HMG20A: variants seen among roughly 807,000 people sequenced by gnomAD.
The protein encoded by HMG20A is high mobility group 20A.
A neutral mutation model predicts 43.9 loss-of-function variants in HMG20A; 17 were observed. That is an observed-to-expected ratio of 0.39 (90% CI 0.27 to 0.58). The LOEUF is 0.58. Ranked by LOEUF, HMG20A falls within the 20% of genes least tolerant of loss-of-function variation. HMG20A has a pLI of 0.59. For missense variants in HMG20A, 341 were observed against 438.2 expected (o/e 0.78, Z 1.98); for synonymous variants, 132 against 147.5 (o/e 0.89, Z 0.76).
the HMG20A span, among the ~76,000 whole-genome samples, chr15:77,514,469 A>G: frequency 6.6e-6 from 1 of 152,258 alleles, no homozygotes; most frequent in Non-Finnish European, 1.5e-5. Flanking sequence ...GTTTGCATAT[A>G]TAAAAATCAT....
At chr15:77,461,879 T>G (rs2072708321) in intron 2 of HMG20A, among the ~76,000 whole-genome samples, 1 of 152,172 alleles carries the variant, frequency 6.6e-6, no homozygotes, top group African/African-American at 2.4e-5. Flanking sequence ...CTAAAATGAT[T>G]GAAATATTTG....
chr15:77,500,993 TC>T, the HMG20A span, among the ~76,000 whole-genome samples: 1 of 152,212 alleles, frequency 6.6e-6, no homozygotes, highest in African/African-American at 2.4e-5. Context: ...GTGATGCTTT[TC>T]CTGATCCCCA....
chr15:77,441,486 A>C (rs1237734881), intron 1 of HMG20A, among the ~76,000 whole-genome samples: 1 of 152,162 alleles, frequency 6.6e-6, no homozygotes, highest in Non-Finnish European at 1.5e-5. Flanking sequence ...ACAGCTAAAC[A>C]AATTTGAAGT....
At chr15:77,477,248 C>T (rs78926912) in intron 6 of HMG20A, among the ~76,000 whole-genome samples, 3,062 of 152,284 alleles carry the variant, frequency 0.02, 54 homozygotes, top group Non-Finnish European at 0.026. Context: ...ATACTGTTGA[C>T]TATTCAAAAC....
the HMG20A span, among the ~76,000 whole-genome samples, chr15:77,509,905 C>CAAA: frequency 7.8e-6 from 1 of 128,886 alleles, no homozygotes; most frequent in African/African-American, 3.0e-5. Context: ...GACTCCGCCT[C>CAAA]AAAAAAAAAA....
Position 77,449,622 on chromosome 15 carries a change from A to G in HMG20A, c.-4-8782A>G, listed in dbSNP as rs145607411. ...ATAATTATAATATTCTAAATATATAATATGGCAATTTTAAAATGAATGAAT... is the reference window on the plus strand; with the variant it reads ...ATAATTATAATATTCTAAATATATAGTATGGCAATTTTAAAATGAATGAAT... On this transcript the variant is annotated intron_variant, in intron 1 of 9. Transcript: ENST00000336216. Among the ~76,000 whole-genome samples, 15 of 152,282 alleles carry G rather than the reference A, an allele frequency of 9.9e-5. No homozygotes were observed. The East Asian group carries it at 2.9e-3, about 29-fold the overall frequency.
intron 6 of HMG20A, among the ~76,000 whole-genome samples, chr15:77,473,586 T>C (rs901290433): frequency 1.3e-5 from 2 of 152,252 alleles, no homozygotes; most frequent in Non-Finnish European, 2.9e-5. Flanking sequence ...TGTAGCATTT[T>C]TGTCTTCAGT....
intron 3 of HMG20A, among the ~76,000 whole-genome samples, chr15:77,465,937 A>G (rs1273839369): frequency 2.0e-5 from 3 of 152,172 alleles, no homozygotes; most frequent in Admixed American, 6.5e-5. Context: ...AATATTATGT[A>G]CCTTACATCT....
At chr15:77,508,509 G>A in the HMG20A span, among the ~76,000 whole-genome samples, 1 of 152,198 alleles carries the variant, frequency 6.6e-6, no homozygotes, top group African/African-American at 2.4e-5. Context: ...AAGACTAAGT[G>A]ACTGATCCAA....
rs971404685 is a variant in HMG20A, at chr15:77,448,377, C to T, written c.-4-10027C>T. Among the ~76,000 whole-genome samples the T allele has an allele frequency of 8.5e-5, 13 of 152,080 alleles. No individual in the cohort carries two copies. In the South Asian group the frequency reaches 2.5e-3, roughly 29 times the overall value. On this transcript the variant is annotated intron_variant, in intron 1 of 9. Coordinates refer to ENST00000336216, the MANE Select transcript of HMG20A (RefSeq NM_001304504.2). ...CTCCTCAGTCACACCAGGGGGACTT[C>T]TTTGCACTAGTTGTTTCCTCTGCTA... is the stretch of plus-strand genomic sequence containing the variant.
chr15:77,481,628 G>A (rs759534171), intron 9 of HMG20A, among the ~76,000 whole-genome samples: 52 of 152,086 alleles, frequency 3.4e-4, no homozygotes, highest in Non-Finnish European at 5.4e-4. Context: ...GTTTTCTGAT[G>A]AGTCTTTGAA....
At chr15:77,496,825 A>G in the HMG20A span, among the ~76,000 whole-genome samples, 7 of 152,210 alleles carry the variant, frequency 4.6e-5, no homozygotes, top group African/African-American at 1.2e-4. Context: ...TTGAGGGAGA[A>G]ATAGAAGTAA....
At chr15:77,471,647 C>G (rs937332329) in intron 5 of HMG20A, 136 bp from the exon 6 acceptor site, 2 of 640,948 alleles carry the variant, frequency 3.1e-6, no homozygotes, top group South Asian at 1.9e-5. Flanking sequence ...ATTAATAAAG[C>G]CTTAAGGAAA....
the HMG20A span, among the ~76,000 whole-genome samples, chr15:77,513,981 C>T: frequency 6.6e-6 from 1 of 152,338 alleles, no homozygotes; most frequent in Admixed American, 6.5e-5. Context: ...ACCTCGGCCT[C>T]CCAAAGTGCT....
At chr15:77,508,811 C>G in the HMG20A span, among the ~76,000 whole-genome samples, 1 of 152,222 alleles carries the variant, frequency 6.6e-6, no homozygotes, top group African/African-American at 2.4e-5. Flanking sequence ...TGTAAGACTT[C>G]CTGACTCTTA....
intron 1 of HMG20A, among the ~76,000 whole-genome samples, chr15:77,456,584 G>A (rs1007305337): frequency 5.7e-5 from 8 of 140,686 alleles, no homozygotes; most frequent in Admixed American, 1.6e-4. Context: ...GGAGGCTGAA[G>A]CACAAGAATC....
intron 4 of HMG20A, among the ~76,000 whole-genome samples, chr15:77,468,554 C>T (rs2072777484): frequency 6.6e-6 from 1 of 150,974 alleles, no homozygotes; most frequent in African/African-American, 2.4e-5. Context: ...CTTTCTTATA[C>T]TTTTGCATGC....
At chr15:77,449,849 G>A (rs2142310168) in intron 1 of HMG20A, among the ~76,000 whole-genome samples, 1 of 152,258 alleles carries the variant, frequency 6.6e-6, no homozygotes, top group African/African-American at 2.4e-5. Flanking sequence ...CACTCTTGGT[G>A]TTGGACAGTC....
chr15:77,510,567 C>T, the HMG20A span, among the ~76,000 whole-genome samples: 1 of 152,350 alleles, frequency 6.6e-6, no homozygotes, highest in Non-Finnish European at 1.5e-5. Flanking sequence ...CTGGGGTAGG[C>T]CTTGCCAGGT....
Sources: allele counts gnomAD v4.1 joint callset (sites outside exome capture counted in the v4.1 genomes callset), GRCh38; gene constraint gnomAD v4.1.1; transcripts MANE v1.5; gene names NCBI Gene and HGNC (gene_info 2026-07-23, HGNC 2026-07-21).